Variants in ZC3H12B observed in about 807,000 individuals in gnomAD.
ZC3H12B encodes probable ribonuclease ZC3H12B.
ZC3H12B carries 7 observed loss-of-function variants against 43.9 expected under a neutral mutation model. The ratio of observed to expected loss-of-function variants is 0.16; its 90% confidence interval spans 0.09 to 0.30. ZC3H12B has a LOEUF of 0.30. Among genes scored for constraint, ZC3H12B ranks in the 10% least tolerant of loss-of-function variants. The pLI, the probability that ZC3H12B is intolerant of heterozygous loss-of-function variation, is 1.00. For synonymous variants in ZC3H12B, 222 were observed against 241.7 expected, an observed-to-expected ratio of 0.92 and a Z score of 0.76; for missense variants, 475 against 670.2, an observed-to-expected ratio of 0.71 and a Z score of 3.22.
chrX:65,213,383 C>T, the ZC3H12B span, among the ~76,000 whole-genome samples: 33 of 111,270 alleles, frequency 3.0e-4, no homozygotes, highest in Non-Finnish European at 4.9e-4. Context: ...TGTCCCAATA[C>T]TCTGTGAAAA....
chrX:65,339,865 C>A, the ZC3H12B span, among the ~76,000 whole-genome samples: 1 of 112,105 alleles, frequency 8.9e-6, no homozygotes, highest in South Asian at 3.7e-4. Flanking sequence ...CCCACGGCCA[C>A]CCCCTGCATT....
chrX:65,063,415 T>A, the ZC3H12B span, among the ~76,000 whole-genome samples: 1 of 112,382 alleles, frequency 8.9e-6, no homozygotes, highest in East Asian at 2.8e-4. Context: ...TCTGTTGAGA[T>A]AATCATGAGG....
chrX:65,251,575 G>A, the ZC3H12B span, among the ~76,000 whole-genome samples: 1 of 111,548 alleles, frequency 9.0e-6, no homozygotes, highest in South Asian at 3.7e-4. Context: ...CCATGATCAT[G>A]GAATGTTTTT....
the ZC3H12B span, among the ~76,000 whole-genome samples, chrX:65,179,825 G>T: frequency 8.9e-6 from 1 of 112,009 alleles, no homozygotes; most frequent in South Asian, 3.7e-4. Flanking sequence ...TCAATTCTCT[G>T]AATAGACCAA....
At chrX:65,393,843 G>T (rs2066659862) in intron 2 of ZC3H12B, among the ~76,000 whole-genome samples, 1 of 111,958 alleles carries the variant, frequency 8.9e-6, no homozygotes, top group African/African-American at 3.2e-5. Flanking sequence ...CGATTTCTCT[G>T]CATCCTCTCC....
At chrX:65,316,261 T>C in the ZC3H12B span, among the ~76,000 whole-genome samples, 1 of 112,028 alleles carries the variant, frequency 8.9e-6, no homozygotes, top group African/African-American at 3.2e-5. Flanking sequence ...TTGAGGATAG[T>C]GTACATGAAA....
At chrX:65,117,353 G>A in the ZC3H12B span, among the ~76,000 whole-genome samples, 1 of 112,141 alleles carries the variant, frequency 8.9e-6, no homozygotes, top group Non-Finnish European at 1.9e-5. Context: ...CTGCATAAAG[G>A]TCTTCTTTTG....
chrX:65,319,087 G>A, the ZC3H12B span, among the ~76,000 whole-genome samples: 2 of 111,246 alleles, frequency 1.8e-5, no homozygotes, highest in African/African-American at 6.5e-5. Flanking sequence ...AATCAGAGTG[G>A]AACTCAAGGA....
the ZC3H12B span, among the ~76,000 whole-genome samples, chrX:65,044,965 A>G: frequency 3.1e-4 from 34 of 108,676 alleles, no homozygotes; most frequent in Non-Finnish European, 5.4e-4. Context: ...CCTCATCCCT[A>G]CTTAAAAAAA....
At chrX:65,379,667 G>A (rs2066406874) in intron 2 of ZC3H12B, among the ~76,000 whole-genome samples, 3 of 112,070 alleles carry the variant, frequency 2.7e-5, no homozygotes, top group African/African-American at 9.7e-5. Flanking sequence ...CCAAGCTACG[G>A]GAGGACATTC....
the ZC3H12B span, among the ~76,000 whole-genome samples, chrX:65,216,608 C>T: frequency 3.6e-5 from 4 of 111,549 alleles, no homozygotes; most frequent in African/African-American, 9.8e-5. Flanking sequence ...GCTTGAGATA[C>T]AACCCAGTGC....
intron 2 of ZC3H12B, among the ~76,000 whole-genome samples, chrX:65,369,737 A>T (rs1283765526): frequency 8.9e-6 from 1 of 111,908 alleles, no homozygotes; most frequent in Non-Finnish European, 1.9e-5. Flanking sequence ...TATTATTAAT[A>T]CATAAGTGAG....
the ZC3H12B span, chrX:65,271,917 G>C: frequency 7.2e-6 from 1 of 138,965 alleles, no homozygotes; most frequent in East Asian, 1.7e-4. Context: ...CAAGTGCTGT[G>C]AAAAGAAAGA....
the ZC3H12B span, among the ~76,000 whole-genome samples, chrX:65,331,780 T>G: frequency 7.2e-3 from 800 of 110,687 alleles, 6 homozygotes; most frequent in African/African-American, 0.025. Flanking sequence ...CAAAACTGAG[T>G]GTTTCTTCCA....
At chrX:65,306,039 A>G in the ZC3H12B span, among the ~76,000 whole-genome samples, 1 of 112,125 alleles carries the variant, frequency 8.9e-6, no homozygotes, top group Non-Finnish European at 1.9e-5. Context: ...CTACTGTGCC[A>G]AGCAATATAA....
the ZC3H12B span, among the ~76,000 whole-genome samples, chrX:65,120,719 C>G: frequency 9.0e-6 from 1 of 111,479 alleles, no homozygotes; most frequent in Non-Finnish European, 1.9e-5. Flanking sequence ...GCATCCCTGT[C>G]TTGTGCCAGT....
At chrX:65,438,861 G>A (rs759173143) in intron 3 of ZC3H12B, among the ~76,000 whole-genome samples, 5 of 113,091 alleles carry the variant, frequency 4.4e-5, no homozygotes, top group African/African-American at 1.3e-4. Flanking sequence ...TTATGGACAT[G>A]TTACATTGCT....
intron 3 of ZC3H12B, among the ~76,000 whole-genome samples, chrX:65,472,079 T>C (rs2067922760): frequency 8.9e-6 from 1 of 111,882 alleles, no homozygotes; most frequent in African/African-American, 3.2e-5. Context: ...AACTTAGTTT[T>C]GCTGCATAAA....
the ZC3H12B span, among the ~76,000 whole-genome samples, chrX:65,157,380 T>G: frequency 8.9e-6 from 1 of 112,475 alleles, no homozygotes; most frequent in Non-Finnish European, 1.9e-5. Flanking sequence ...TATAAATATT[T>G]AAAACTGTGT....
Sources: gnomAD v4.1 joint callset for allele counts (sites outside exome capture counted in the v4.1 genomes callset) on GRCh38, gnomAD v4.1.1 for gene constraint, MANE v1.5 for transcripts, NCBI Gene and HGNC (gene_info 2026-07-23, HGNC 2026-07-21) for gene names.